The following ZNF518A variants were observed in gnomAD, a reference collection of about 807,000 sequenced individuals.
ZNF518A encodes the protein zinc finger protein 518A.
A neutral mutation model predicts 102.7 loss-of-function variants in ZNF518A; 47 were observed. That is an observed-to-expected ratio of 0.46 (90% CI 0.36 to 0.58). The LOEUF is 0.58. Among genes scored for constraint, ZNF518A ranks in the 20% least tolerant of loss-of-function variants. The pLI is 0.00. For missense variants in ZNF518A, 1,793 were observed against 1,699.8 expected (o/e 1.05, Z -0.96); for synonymous variants, 652 against 594.6 (o/e 1.10, Z -1.40).
intron 1 of ZNF518A, among the ~76,000 whole-genome samples, chr10:96,176,083 C>A (rs1554891442): frequency 1.3e-5 from 2 of 152,090 alleles, no homozygotes; most frequent in Non-Finnish European, 2.9e-5. Context: ...GTGCATGGCA[C>A]CCTGCCTGGT....
At chr10:96,194,768 A>ATTTTTTTTTTTTTT (rs71034364) in intron 1 of ZNF518A, among the ~76,000 whole-genome samples, 58 of 110,272 alleles carry the variant, frequency 5.3e-4, no homozygotes, top group African/African-American at 1.8e-3. Flanking sequence ...AGAAATGCAA[A>ATTTTTTTTTTTTTT]TTTTTTTTTT....
chr10:96,161,737 A>T lies in ZNF518A; in HGVS notation c.*963A>T, dbSNP rs147468646. ...TACCAAAACAGTATTTTGAAGCAAG[A>T]TCATATTTTTGTCTGTATTCACTTT... On this transcript the variant is annotated 3_prime_UTR_variant, in exon 6 of 6. Transcript: ENST00000316045. 1.9e-4 allele frequency: 32 copies of T among 167,068 alleles called. No homozygotes were observed. The highest frequency in any genetic ancestry group is 7.2e-4 in the African/African-American group (30 of 41,572). 10.3% of individuals were successfully genotyped at this position (167,068 alleles called of 1,614,324 possible).
At chr10:96,166,829 T>C (rs2083144396), downstream of ZNF518A, among the ~76,000 whole-genome samples, 1 of 152,134 alleles carries the variant, frequency 6.6e-6, no homozygotes, top group Non-Finnish European at 1.5e-5. Context: ...TCCCTTGTGA[T>C]CAGGAAGACT....
chr10:96,176,835 T>C (rs2083207452), intron 1 of ZNF518A, among the ~76,000 whole-genome samples: 1 of 152,220 alleles, frequency 6.6e-6, no homozygotes, highest in African/African-American at 2.4e-5. Flanking sequence ...AGGCAGAGGT[T>C]GCAGTGAGCT....
intron 1 of ZNF518A, among the ~76,000 whole-genome samples, chr10:96,198,903 T>C (rs951706713): frequency 2.0e-5 from 3 of 152,258 alleles, no homozygotes; most frequent in Non-Finnish European, 4.4e-5. Flanking sequence ...TTTGCCATCT[T>C]GGCCAGGCTG....
At chr10:96,182,011 A>G (rs10786268) in intron 1 of ZNF518A, among the ~76,000 whole-genome samples, 148,169 of 152,230 alleles carry the variant, frequency 0.97, 72,218 homozygotes, top group East Asian at 1. Context: ...CTTTTATTTC[A>G]TTGAGCAGTG....
At chr10:96,204,363 A>G, downstream of ZNF518A, 1 of 815,644 alleles carries the variant, frequency 1.2e-6, no homozygotes, top group Non-Finnish European at 2.1e-6. Flanking sequence ...GCAACTCTAC[A>G]CAGTTATTTT....
Position 96,195,353 on chromosome 10 carries a change from T to G in ZNF518A, n.36-8221T>G, listed in dbSNP as rs76184603. On this transcript the variant is annotated intron_variant and non_coding_transcript_variant, in intron 1 of 2. Coordinates refer to the ZNF518A transcript ENST00000442635. ...TTGAAAGCAGTGTCCTGGAGAGATT[T>G]GCACACCCGTGTTTATAGCAGCACT... is the stretch of plus-strand genomic sequence containing the variant. Among the ~76,000 whole-genome samples, 7 of 152,324 alleles carry G rather than the reference T, an allele frequency of 4.6e-5. No homozygotes were observed. In the East Asian group the frequency reaches 1.3e-3, roughly 29 times the overall value.
At chr10:96,188,470 G>A (rs1201962716) in intron 1 of ZNF518A, among the ~76,000 whole-genome samples, 1 of 152,190 alleles carries the variant, frequency 6.6e-6, no homozygotes, top group African/African-American at 2.4e-5. Flanking sequence ...GGAAGAATGA[G>A]GCATAAGAGG....
intron 3 of ZNF518A, among the ~76,000 whole-genome samples, chr10:96,148,604 CT>C (rs2082282335): frequency 1.4e-5 from 2 of 146,966 alleles, no homozygotes; most frequent in African/African-American, 2.5e-5. Context: ...TGGAAAGCCC[CT>C]GTCTGAACCC....
Position 96,160,271 on chromosome 10 carries a change from C to G in ZNF518A, c.3949C>G (p.Pro1317Ala), listed in dbSNP as rs782728143. 3.1e-6 allele frequency: 5 copies of G among 1,613,452 alleles called. No individual in the cohort carries two copies. The highest frequency in any genetic ancestry group is 4.2e-6 in the Non-Finnish European group (5 of 1,179,680). ...CCGTGAAACATTTGGATTTAGCAGA[C>G]CTAGGCTTTCAAAAGATTCCATCAG... ...DVRETFGFSR[P>A]RLSKDSIRTL... The change falls in exon 6 of 6, where the codon CCT becomes GCT. Residue 1317 changes from proline (P) to alanine (A), a missense_variant. Transcript: ENST00000316045.
At chr10:96,175,081 C>T (rs1332142454) in intron 1 of ZNF518A, among the ~76,000 whole-genome samples, 4 of 152,126 alleles carry the variant, frequency 2.6e-5, no homozygotes, top group Non-Finnish European at 4.4e-5. Context: ...TCCCAGCTTC[C>T]ATAACTGTGG....
intron 3 of ZNF518A, among the ~76,000 whole-genome samples, chr10:96,152,236 C>G (rs2082482159): frequency 6.6e-6 from 1 of 151,724 alleles, no homozygotes; most frequent in Non-Finnish European, 1.5e-5. Flanking sequence ...TTACTTGAGC[C>G]CAGGAGGTTG....
chr10:96,157,812 G>C lies in ZNF518A; in HGVS notation c.1490G>C (p.Gly497Ala), dbSNP rs913966807. The change falls in exon 6 of 6, where the codon GGA becomes GCA. Residue 497 changes from glycine to alanine, a missense_variant. By Grantham distance (60) the Gly-to-Ala change is moderately conservative. Coordinates refer to ENST00000316045, the MANE Select transcript of ZNF518A (RefSeq NM_001330736.2). ...TTGGACACTAATGGATTTTTAACAG[G>C]AGTAACAACTGAGTTAAATGACACA... ...QTLDTNGFLT[G>A]VTTELNDTVY... 2.0e-5 allele frequency: 32 copies of C among 1,613,802 alleles called. No homozygotes were observed. The highest frequency in any genetic ancestry group is 2.7e-5 in the Non-Finnish European group (32 of 1,179,780).
At position 96,199,850 on chromosome 10, in the gene ZNF518A, C is replaced by T. The variant is rs901551201; in HGVS notation, n.36-3724C>T. ...AGCAGCCTGGCCAACATGGTAAAACCCCGTCTCTACTAAAAATACAAAAAT... is the reference window on the plus strand; with the variant it reads ...AGCAGCCTGGCCAACATGGTAAAACTCCGTCTCTACTAAAAATACAAAAAT... On this transcript the variant is annotated intron_variant and non_coding_transcript_variant, in intron 1 of 2. Coordinates refer to the ZNF518A transcript ENST00000442635. 4 of 256,782 alleles carry T rather than the reference C, an allele frequency of 1.6e-5. No individual in the cohort carries two copies. In the East Asian group the frequency reaches 3.5e-4, roughly 22 times the overall value. The allele number at this position is 256,782 out of a possible 1,614,324, so 15.9% of individuals were successfully genotyped here.
At position 96,155,963 on chromosome 10, in the gene ZNF518A, A is replaced by C. The variant is rs587749741; in HGVS notation, c.-211A>C. 1 of 155,194 alleles carries C rather than the reference A, an allele frequency of 6.4e-6. No homozygotes were observed. Among genetic ancestry groups the C allele is most frequent in the Non-Finnish European group, 1.4e-5 (1 of 70,328 alleles). 9.6% of individuals were successfully genotyped at this position (155,194 alleles called of 1,614,324 possible). ...GTCCAGAGAAGTTGAAGTTTTCCCAAGGTCACACAGCAGAGCTGGAACTAG... is the reference window on the plus strand; with the variant it reads ...GTCCAGAGAAGTTGAAGTTTTCCCACGGTCACACAGCAGAGCTGGAACTAG... On this transcript the variant is annotated 5_prime_UTR_variant, in exon 5 of 6. Coordinates refer to ENST00000316045, the MANE Select transcript of ZNF518A (RefSeq NM_001330736.2).
Position 96,157,818 on chromosome 10 carries a change from C to T in ZNF518A, c.1496C>T (p.Thr499Ile), listed in dbSNP as rs2082770819. 6.2e-7 allele frequency: 1 copy of T among 1,613,738 alleles called. No homozygotes were observed. The highest frequency in any genetic ancestry group is 1.3e-5 in the African/African-American group (1 of 74,916). Reference sequence around the variant, plus strand: ...ACTAATGGATTTTTAACAGGAGTAACAACTGAGTTAAATGACACAGTTTAT... The same window carrying T: ...ACTAATGGATTTTTAACAGGAGTAATAACTGAGTTAAATGACACAGTTTAT... ...LDTNGFLTGVTTELNDTVYMK... is the reference protein window; with the variant it reads ...LDTNGFLTGVITELNDTVYMK... Residue 499 changes from threonine to isoleucine, a missense_variant, in exon 6 of 6, where the codon ACA becomes ATA. Physicochemically the swap from Thr to Ile is moderately conservative, Grantham distance 89. Around this residue, in one of 3 missense-constraint regions of ZNF518A, gnomAD observed 1,741 missense variants for 1,622.6 expected, o/e 1.07. Transcript: ENST00000316045.
chr10:96,177,604 A>T (rs1455517894), intron 1 of ZNF518A, among the ~76,000 whole-genome samples: 1 of 152,206 alleles, frequency 6.6e-6, no homozygotes, highest in Non-Finnish European at 1.5e-5. Context: ...ATTTGAAGAT[A>T]GACTGTGATA....
chr10:96,185,293 C>A (rs1554892458), intron 1 of ZNF518A, among the ~76,000 whole-genome samples: 1 of 152,178 alleles, frequency 6.6e-6, no homozygotes, highest in Non-Finnish European at 1.5e-5. Flanking sequence ...CCTTCTGAAG[C>A]CTACTTCTGT....
Sources: gnomAD v4.1 joint callset for allele counts (sites outside exome capture counted in the v4.1 genomes callset) on GRCh38, gnomAD v4.1.1 for gene constraint, gnomAD v4.1.1 regional missense constraint, MANE v1.5 for transcripts, NCBI Gene and HGNC (gene_info 2026-07-23, HGNC 2026-07-21) for gene names.